Variants in RTN4 observed in about 807,000 individuals in gnomAD.
The protein encoded by RTN4 is reticulon 4.
Under a neutral mutation model 90.4 loss-of-function variants are expected in RTN4, and 32 were observed. The observed-to-expected ratio is 0.35, with a 90% CI of 0.27 to 0.48. The LOEUF (loss-of-function observed/expected upper bound fraction) is 0.48, where lower values mean the gene tolerates loss of function less well. Among genes scored for constraint, RTN4 ranks in the 20% least tolerant of loss-of-function variants. The probability of loss-of-function intolerance (pLI) is 0.99; values close to 1 mark genes in which losing one functional copy is unlikely to be tolerated. For missense variants in RTN4, 1,706 were observed against 1,430.2 expected, an observed-to-expected ratio of 1.19 and a Z score of -3.11; for synonymous variants, 629 against 552.5, an observed-to-expected ratio of 1.14 and a Z score of -1.94.
upstream of RTN4, among the ~76,000 whole-genome samples, chr2:55,055,450 C>T (rs939922673): frequency 6.6e-6 from 1 of 152,054 alleles, no homozygotes; most frequent in Non-Finnish European, 1.5e-5. Context: ...TGTCTTTAAA[C>T]ATTGTTCATT....
intron 2 of RTN4, among the ~76,000 whole-genome samples, chr2:55,064,548 A>G (rs1271950068): frequency 6.6e-6 from 1 of 152,068 alleles, no homozygotes; most frequent in Non-Finnish European, 1.5e-5. Context: ...ATGGGGTTTC[A>G]CCATGTTGGT....
the RTN4 span, among the ~76,000 whole-genome samples, chr2:55,126,060 C>CAA: frequency 2.9e-3 from 182 of 62,266 alleles, no homozygotes; most frequent in Non-Finnish European, 4.3e-3. Context: ...GACTCCGTCT[C>CAA]AAAAAAAAAA....
the RTN4 span, among the ~76,000 whole-genome samples, chr2:55,125,591 C>A: frequency 5.3e-5 from 8 of 152,100 alleles, no homozygotes; most frequent in Admixed American, 2.0e-4. Context: ...CGTGGTGAAA[C>A]CTTGTCTCTA....
intron 3 of RTN4, among the ~76,000 whole-genome samples, chr2:54,997,591 C>A (rs1183906760): frequency 1.3e-5 from 2 of 152,084 alleles, no homozygotes; most frequent in African/African-American, 2.4e-5. Context: ...AAAGAGGAGA[C>A]AGACAACCCA....
At chr2:55,104,388 T>A (rs1042434393) in intron 1 of RTN4, among the ~76,000 whole-genome samples, 14 of 151,774 alleles carry the variant, frequency 9.2e-5, no homozygotes, top group African/African-American at 3.4e-4. Context: ...AGTCTTGCTC[T>A]GTTGCCCAGG....
At chr2:55,037,592 G>C (rs1276175266) in intron 1 of RTN4, among the ~76,000 whole-genome samples, 1 of 152,188 alleles carries the variant, frequency 6.6e-6, no homozygotes, top group African/African-American at 2.4e-5. Context: ...TGTCATTGCT[G>C]TGAGTAATAA....
intron 3 of RTN4, 109 bp downstream of exon 3, chr2:55,024,977 T>G: frequency 7.7e-7 from 1 of 1,299,894 alleles, no homozygotes; most frequent in Non-Finnish European, 1.1e-6. Context: ...TTCTTACCAA[T>G]GTGACATATG....
At chr2:55,031,629 C>T (rs1260632189) in intron 1 of RTN4, among the ~76,000 whole-genome samples, 6 of 152,148 alleles carry the variant, frequency 3.9e-5, no homozygotes, top group African/African-American at 1.4e-4. Context: ...AAGGAAAGAT[C>T]TCTCTAAACA....
Position 55,028,224 on chromosome 2 carries a change from A to C in RTN4, c.557-4T>G. ...GGAAGAGCAAAAAGGGTCTCATCTG[A>C]AAAACAAATAGAATATAACCTCAGC... On this transcript the variant is annotated splice_polypyrimidine_tract_variant and splice_region_variant and intron_variant, in intron 1 of 8. Coordinates refer to ENST00000337526, the MANE Select transcript of RTN4 (RefSeq NM_020532.5). 6.2e-7 allele frequency: 1 copy of C among 1,612,070 alleles called. No individual in the cohort carries two copies. Among genetic ancestry groups the C allele is most frequent in the South Asian group, 1.1e-5 (1 of 90,942 alleles).
intron 3 of RTN4, chr2:55,010,217 C>A: frequency 6.3e-7 from 1 of 1,590,482 alleles, no homozygotes; most frequent in South Asian, 1.1e-5. Flanking sequence ...ACATGAAATA[C>A]CCGTTTCCTC....
intron 1 of RTN4, among the ~76,000 whole-genome samples, chr2:55,086,223 T>C (rs550921845): frequency 2.6e-5 from 4 of 152,362 alleles, no homozygotes; most frequent in South Asian, 2.1e-4. Context: ...ACTTTAGGAA[T>C]TGATCACTGT....
intron 1 of RTN4, among the ~76,000 whole-genome samples, chr2:55,047,843 G>A (rs372014482): frequency 6.6e-6 from 1 of 152,036 alleles, no homozygotes; most frequent in African/African-American, 2.4e-5. Context: ...ATAAAACAAC[G>A]TGACTAATAA....
chr2:55,129,901 A>T, the RTN4 span, among the ~76,000 whole-genome samples: 4 of 152,236 alleles, frequency 2.6e-5, no homozygotes, highest in Non-Finnish European at 5.9e-5. Context: ...AGGAATAATT[A>T]GAAAGACTAA....
Position 55,003,918 on chromosome 2 carries a change from C to T in RTN4, c.3014-16220G>A, listed in dbSNP as rs186571484. On this transcript the variant is annotated intron_variant, in intron 3 of 8. Transcript: ENST00000337526. ...TTGGTATCCATGGTGTAGGGGGACG[C>T]GGGGTGGAGGGCTGGAAATAATCTC... Among the ~76,000 whole-genome samples, 7 of 151,912 alleles carry T rather than the reference C, an allele frequency of 4.6e-5. No individual in the cohort carries two copies. In the East Asian group the frequency reaches 1.2e-3, roughly 25 times the overall value.
chr2:55,097,290 A>G (rs1205878240), intron 1 of RTN4, among the ~76,000 whole-genome samples: 2 of 139,350 alleles, frequency 1.4e-5, no homozygotes. Flanking sequence ...TGACAGAGTG[A>G]AATTCTGTCT....
At chr2:55,028,345 C>A in intron 1 of RTN4, 125 bp from the exon 2 acceptor site, 2 of 703,398 alleles carry the variant, frequency 2.8e-6, no homozygotes, top group South Asian at 2.1e-5. Context: ...AGAGAAAGGG[C>A]CAAGATCAAA....
At chr2:55,071,372 G>T (rs1436744764) in intron 2 of RTN4, among the ~76,000 whole-genome samples, 4 of 151,868 alleles carry the variant, frequency 2.6e-5, no homozygotes, top group Non-Finnish European at 5.9e-5. Flanking sequence ...AAAGGAGATG[G>T]AAAAGTGCTT....
chr2:55,084,742 C>T (rs191591600), intron 1 of RTN4, among the ~76,000 whole-genome samples: 127 of 152,218 alleles, frequency 8.3e-4, no homozygotes, highest in Non-Finnish European at 1.4e-3. Flanking sequence ...TGGAGAATTG[C>T]TTAATGTGGC....
In RTN4 at chr2:55,091,593, C is replaced by T. The variant is rs1200414591; in HGVS notation, c.-213-10954G>A. Among the ~76,000 whole-genome samples the T allele has an allele frequency of 7.2e-5, 11 of 152,100 alleles. No homozygotes were observed. The East Asian group carries it at 1.2e-3, about 16-fold the overall frequency. ...CTAGAATCCCAGTACTGTGGGAGGC[C>T]GAGGCAGGAGGATTGCTTGAGCCCA... is the stretch of plus-strand genomic sequence containing the variant. On this transcript the variant is annotated intron_variant, in intron 1 of 3. Coordinates refer to the RTN4 transcript ENST00000427710.
Sources: gnomAD v4.1 joint callset for allele counts (sites outside exome capture counted in the v4.1 genomes callset) on GRCh38, gnomAD v4.1.1 for gene constraint, MANE v1.5 for transcripts, NCBI Gene and HGNC (gene_info 2026-07-23, HGNC 2026-07-21) for gene names.